Variants in CBFA2T2 observed in about 807,000 individuals in gnomAD.
The protein encoded by CBFA2T2 is CBFA2/RUNX1 partner transcriptional co-repressor 2, also known as protein CBFA2T2.
CBFA2T2 carries 11 observed loss-of-function variants against 62.2 expected under a neutral mutation model. The observed-to-expected ratio is 0.18, with a 90% CI of 0.11 to 0.29. CBFA2T2 has a LOEUF of 0.29. Among genes scored for constraint, CBFA2T2 ranks in the 10% least tolerant of loss-of-function variants. The probability of loss-of-function intolerance (pLI) is 1.00; values close to 1 mark genes in which losing one functional copy is unlikely to be tolerated. For synonymous variants in CBFA2T2, 295 were observed against 287.5 expected, an observed-to-expected ratio of 1.03 and a Z score of -0.27; for missense variants, 592 against 774.1, an observed-to-expected ratio of 0.76 and a Z score of 2.79.
intron 1 of CBFA2T2, among the ~76,000 whole-genome samples, chr20:33,583,511 T>G (rs2014211441): frequency 6.6e-6 from 1 of 152,234 alleles, no homozygotes. Context: ...GATGAAGTTT[T>G]GGGGCTTTTT....
chr20:33,496,917 C>T (rs372064278), intron 1 of CBFA2T2, among the ~76,000 whole-genome samples: 9 of 152,130 alleles, frequency 5.9e-5, no homozygotes, highest in African/African-American at 9.7e-5. Context: ...TTCCTACTCC[C>T]GTCTCATGGG....
chr20:33,603,821 A>G (rs2015235759), intron 1 of CBFA2T2, among the ~76,000 whole-genome samples: 1 of 152,246 alleles, frequency 6.6e-6, no homozygotes, highest in South Asian at 2.1e-4. Flanking sequence ...TCATTTTCAT[A>G]AAAATTCAAA....
chr20:33,629,639 A>AT, intron 7 of CBFA2T2, 80 bp from the exon 8 acceptor site: 1 of 1,264,518 alleles, frequency 7.9e-7, no homozygotes, highest in Non-Finnish European at 1.1e-6. Flanking sequence ...TGAATTCCTC[A>AT]TATTGCGTTG....
chr20:33,564,715 G>GC (rs1479382041), intron 1 of CBFA2T2, among the ~76,000 whole-genome samples: 18 of 151,938 alleles, frequency 1.2e-4, no homozygotes, highest in African/African-American at 4.1e-4. Context: ...GAGTAGCTGG[G>GC]ACCACAGGCA....
At chr20:33,531,910 A>G (rs1367855424) in intron 1 of CBFA2T2, among the ~76,000 whole-genome samples, 1 of 152,258 alleles carries the variant, frequency 6.6e-6, no homozygotes, top group South Asian at 2.1e-4. Context: ...AAGGTAGGAA[A>G]GTAAGAACAA....
intron 8 of CBFA2T2, among the ~76,000 whole-genome samples, chr20:33,630,225 G>A (rs1019332502): frequency 6.6e-6 from 1 of 152,130 alleles, no homozygotes; most frequent in African/African-American, 2.4e-5. Context: ...CAGGATTACA[G>A]GCCTGAGCCA....
intron 1 of CBFA2T2, among the ~76,000 whole-genome samples, chr20:33,574,550 G>A (rs1004810350): frequency 3.3e-5 from 5 of 152,142 alleles, no homozygotes; most frequent in Non-Finnish European, 7.4e-5. Flanking sequence ...GCTTGAACCC[G>A]GGAGGCAGAG....
chr20:33,592,781 A>G (rs2014719820), intron 1 of CBFA2T2, among the ~76,000 whole-genome samples: 1 of 152,090 alleles, frequency 6.6e-6, no homozygotes, highest in African/African-American at 2.4e-5. Flanking sequence ...GGTCACTGCC[A>G]CTTAAAAAAA....
intron 1 of CBFA2T2, among the ~76,000 whole-genome samples, chr20:33,579,408 T>A (rs1366925301): frequency 6.6e-6 from 1 of 152,042 alleles, no homozygotes; most frequent in East Asian, 1.9e-4. Context: ...GGCAGAAAAC[T>A]TTAATTTTCG....
intron 1 of CBFA2T2, among the ~76,000 whole-genome samples, chr20:33,565,490 C>A (rs965914139): frequency 9.9e-5 from 15 of 152,080 alleles, no homozygotes; most frequent in African/African-American, 3.4e-4. Context: ...TTTCATATGA[C>A]TATGTCCATG....
Position 33,648,515 on chromosome 20 carries a change from CCTAGGCCTAGG to C in CBFA2T2, c.*3871_*3881del, listed in dbSNP as rs1372017355. 6.6e-6 allele frequency: 1 copy of C among 152,188 alleles called. No homozygotes were observed. Among genetic ancestry groups the C allele is most frequent in the Admixed American group, 6.5e-5 (1 of 15,278 alleles). 9.4% of individuals were successfully genotyped at this position (152,188 alleles called of 1,614,324 possible). A position where few individuals can be genotyped will look rare whatever the true frequency, so the allele number is the denominator to read the frequency against. On this transcript the variant is annotated 3_prime_UTR_variant, in exon 11 of 11. Coordinates refer to ENST00000342704, the MANE Select transcript of CBFA2T2 (RefSeq NM_001032999.3). Reference sequence around the variant, plus strand: ...AAGGTGACTCAAGAAGTTGTTTAAGCCTAGGCCTAGGCAGTCCACTTCGGGAGGTGGGGGCA... The same window carrying C: ...AAGGTGACTCAAGAAGTTGTTTAAGCCAGTCCACTTCGGGAGGTGGGGGCA...
intron 3 of CBFA2T2, among the ~76,000 whole-genome samples, chr20:33,613,649 C>T (rs2015604054): frequency 6.6e-6 from 1 of 152,190 alleles, no homozygotes; most frequent in Non-Finnish European, 1.5e-5. Context: ...AAGGAAAACC[C>T]GTGTTTAGCA....
chr20:33,538,089 G>T (rs140362608), intron 1 of CBFA2T2, among the ~76,000 whole-genome samples: 177 of 151,392 alleles, frequency 1.2e-3, no homozygotes, highest in African/African-American at 4.0e-3. Flanking sequence ...GTTTAGGAGA[G>T]ATACAAATTA....
chr20:33,642,833 A>G (rs2016906036), intron 10 of CBFA2T2, among the ~76,000 whole-genome samples: 1 of 152,224 alleles, frequency 6.6e-6, no homozygotes, highest in South Asian at 2.1e-4. Context: ...GGCTTAGAGC[A>G]TAGATCCTGG....
chr20:33,638,567 G>A (rs1043732622), intron 9 of CBFA2T2, among the ~76,000 whole-genome samples: 1 of 152,158 alleles, frequency 6.6e-6, no homozygotes, highest in African/African-American at 2.4e-5. Context: ...TGGCCTCTGG[G>A]GTGAAGATTT....
intron 1 of CBFA2T2, among the ~76,000 whole-genome samples, chr20:33,502,445 C>T (rs1224502974): frequency 2.0e-5 from 3 of 151,204 alleles, no homozygotes; most frequent in Non-Finnish European, 4.4e-5. Context: ...CTCGCTCTGT[C>T]GCCCAGGCTG....
intron 1 of CBFA2T2, among the ~76,000 whole-genome samples, chr20:33,595,625 C>T (rs1416905786): frequency 6.6e-6 from 1 of 152,046 alleles, no homozygotes; most frequent in Admixed American, 6.6e-5. Context: ...AATCTCGGCT[C>T]ACTACAACCT....
chr20:33,616,135 G>A (rs1261636915), intron 3 of CBFA2T2, among the ~76,000 whole-genome samples: 6 of 142,290 alleles, frequency 4.2e-5, no homozygotes, highest in African/African-American at 1.3e-4. Flanking sequence ...ATAGATAGAT[G>A]ACAGAGCAAT....
In CBFA2T2 at chr20:33,646,094, T is replaced by G. The variant is rs1347599582; in HGVS notation, c.*1448T>G. 6.6e-6 allele frequency: 1 copy of G among 152,020 alleles called. No individual in the cohort carries two copies. The highest frequency in any genetic ancestry group is 1.5e-5 in the Non-Finnish European group (1 of 67,996). The allele number at this position is 152,020 out of a possible 1,614,324, so 9.4% of individuals were successfully genotyped here. A position where few individuals can be genotyped will look rare whatever the true frequency, so the allele number is the denominator to read the frequency against. ...TCTTGGCTCACTGCAACCTCTGCCT[T>G]CCAGGTTCAAGCAATTCTCCTGCCT... On this transcript the variant is annotated 3_prime_UTR_variant, in exon 11 of 11. Coordinates refer to ENST00000342704, the MANE Select transcript of CBFA2T2 (RefSeq NM_001032999.3).
Sources: allele counts gnomAD v4.1 joint callset (sites outside exome capture counted in the v4.1 genomes callset), GRCh38; gene constraint gnomAD v4.1.1; transcripts MANE v1.5; gene names NCBI Gene and HGNC (gene_info 2026-07-23, HGNC 2026-07-21).